Variants in ARHGAP26 observed in about 807,000 individuals in gnomAD.
ARHGAP26 encodes rho GTPase-activating protein 26.
ARHGAP26 carries 38 observed loss-of-function variants against 104.8 expected under a neutral mutation model. That is an observed-to-expected ratio of 0.36 (90% CI 0.28 to 0.48). The LOEUF is 0.48. Among genes scored for constraint, ARHGAP26 ranks in the 20% least tolerant of loss-of-function variants. ARHGAP26 has a pLI of 0.99. For missense variants in ARHGAP26, 704 were observed against 947.9 expected (o/e 0.74, Z 3.38); for synonymous variants, 341 against 340.0 (o/e 1.00, Z -0.03).
intron 1 of ARHGAP26, among the ~76,000 whole-genome samples, chr5:142,857,234 A>G (rs1205382704): frequency 1.3e-5 from 2 of 152,206 alleles, no homozygotes; most frequent in Non-Finnish European, 2.9e-5. Context: ...TTCCAAATAA[A>G]GTCACATTCT....
chr5:143,016,702 C>CAAAA (rs5871833), intron 12 of ARHGAP26, among the ~76,000 whole-genome samples: 21 of 126,308 alleles, frequency 1.7e-4, no homozygotes, highest in Admixed American at 2.4e-4. Context: ...GACTCTGTCT[C>CAAAA]AAAAAAAAAA....
chr5:143,117,307 T>G (rs1348522998), intron 17 of ARHGAP26, among the ~76,000 whole-genome samples: 3 of 152,196 alleles, frequency 2.0e-5, no homozygotes, highest in Non-Finnish European at 4.4e-5. Context: ...CCAGCCTGTT[T>G]CCCATGCATC....
At chr5:142,828,466 A>G (rs1469475140) in intron 1 of ARHGAP26, among the ~76,000 whole-genome samples, 6 of 152,208 alleles carry the variant, frequency 3.9e-5, no homozygotes, top group African/African-American at 1.4e-4. Context: ...CAATTCTAAA[A>G]TGGTTGGGAA....
intron 12 of ARHGAP26, among the ~76,000 whole-genome samples, chr5:143,034,770 A>G (rs949671189): frequency 1.3e-5 from 2 of 152,170 alleles, no homozygotes; most frequent in Non-Finnish European, 2.9e-5. Flanking sequence ...TTTAAAAAAA[A>G]AAAATTCCTC....
intron 1 of ARHGAP26, among the ~76,000 whole-genome samples, chr5:142,822,936 A>G (rs1297725262): frequency 6.6e-6 from 1 of 152,236 alleles, no homozygotes; most frequent in Non-Finnish European, 1.5e-5. Context: ...CTAGGGATCA[A>G]TAACTGTGCT....
At chr5:142,933,245 A>G (rs999119222) in intron 11 of ARHGAP26, among the ~76,000 whole-genome samples, 2 of 152,202 alleles carry the variant, frequency 1.3e-5, no homozygotes, top group African/African-American at 4.8e-5. Flanking sequence ...TCTTTTTGCT[A>G]GCATTATCTA....
chr5:142,888,711 A>G (rs1758061163), intron 5 of ARHGAP26, among the ~76,000 whole-genome samples: 1 of 152,246 alleles, frequency 6.6e-6, no homozygotes, highest in African/African-American at 2.4e-5. Flanking sequence ...AAACAAATGC[A>G]TAGTTTTTGA....
chr5:142,935,006 G>A (rs1765215290), intron 11 of ARHGAP26, among the ~76,000 whole-genome samples: 1 of 151,990 alleles, frequency 6.6e-6, no homozygotes, highest in South Asian at 2.1e-4. Context: ...TGGTGTCGAT[G>A]GACATATAAT....
rs10571226 is a variant in ARHGAP26, at chr5:142,898,175, T to TAC, written c.598-3744_598-3743dup. Among the ~76,000 whole-genome samples the TAC allele has an allele frequency of 2.0e-3, 295 of 149,834 alleles. 1 individual carries two copies. The highest frequency in any genetic ancestry group is 3.4e-3 in the Middle Eastern group (1 of 292). On this transcript the variant is annotated intron_variant, in intron 6 of 22. Coordinates refer to ENST00000645722, the MANE Select transcript of ARHGAP26 (RefSeq NM_001135608.3). ...GTGTATATATATATACACACACACATACACACACACACACACATATATACA... is the reference window on the plus strand; with the variant it reads ...GTGTATATATATATACACACACACATACACACACACACACACACATATATACA...
At chr5:143,131,258 C>CT (rs1186278319) in intron 18 of ARHGAP26, among the ~76,000 whole-genome samples, 1 of 152,156 alleles carries the variant, frequency 6.6e-6, no homozygotes, top group Non-Finnish European at 1.5e-5. Context: ...ACCAGTTACT[C>CT]TTTTTTGTTT....
intron 11 of ARHGAP26, among the ~76,000 whole-genome samples, chr5:142,963,163 GGTATATATGT>G (rs144117286): frequency 0.27 from 30,659 of 112,212 alleles, 4,858 homozygotes; most frequent in East Asian, 0.66. Context: ...AGTATTCCAT[GGTATATATGT>G]ATATATATAT....
At chr5:142,841,734 T>C (rs1418903081) in intron 1 of ARHGAP26, among the ~76,000 whole-genome samples, 1 of 152,236 alleles carries the variant, frequency 6.6e-6, no homozygotes, top group African/African-American at 2.4e-5. Context: ...CGCATCCCTC[T>C]GGCTGGAGCA....
intron 1 of ARHGAP26, among the ~76,000 whole-genome samples, chr5:142,850,780 A>G (rs1229934646): frequency 6.6e-6 from 1 of 152,236 alleles, no homozygotes; most frequent in Non-Finnish European, 1.5e-5. Flanking sequence ...TGTATTATGC[A>G]GAGCCCTGTG....
intron 17 of ARHGAP26, among the ~76,000 whole-genome samples, chr5:143,069,260 C>T (rs978305930): frequency 1.3e-5 from 2 of 152,100 alleles, no homozygotes; most frequent in African/African-American, 2.4e-5. Flanking sequence ...TTCTTCTCCC[C>T]GAAATGTAAG....
chr5:142,950,620 C>A (rs748602517), intron 11 of ARHGAP26, among the ~76,000 whole-genome samples: 8 of 151,940 alleles, frequency 5.3e-5, no homozygotes, highest in Non-Finnish European at 1.0e-4. Flanking sequence ...ACAGCGACAC[C>A]CAATTTGAGT....
intron 9 of ARHGAP26, among the ~76,000 whole-genome samples, chr5:142,912,622 T>C (rs1198502251): frequency 2.6e-5 from 4 of 152,350 alleles, no homozygotes; most frequent in African/African-American, 4.8e-5. Flanking sequence ...TAGGATCCAG[T>C]TGGGCCCAGG....
chr5:143,147,066 TC>T (rs1167590609), intron 19 of ARHGAP26, among the ~76,000 whole-genome samples, 164 bp from the exon 20 acceptor site: 1 of 152,230 alleles, frequency 6.6e-6, no homozygotes. Flanking sequence ...CCTTGACTCT[TC>T]CTTTCCCACT....
At chr5:142,822,622 A>G (rs1350861126) in intron 1 of ARHGAP26, among the ~76,000 whole-genome samples, 2 of 152,276 alleles carry the variant, frequency 1.3e-5, no homozygotes, top group South Asian at 2.1e-4. Context: ...TGTATAATAT[A>G]TATACACATA....
rs70991782 is a variant in ARHGAP26, at chr5:142,867,288, GGTGTGTGTGTGTGT to G, written c.155-6085_155-6072del. On this transcript the variant is annotated intron_variant, in intron 1 of 22. Transcript: ENST00000645722. ...TTGTTTCATTCTAAGATTTGCACAG[GGTGTGTGTGTGTGT>G]GTGTGTGTGTGTGTGTGTGTGTGTG... Among the ~76,000 whole-genome samples the G allele has an allele frequency of 1.4e-3, 197 of 143,698 alleles. 1 individual carries two copies. Among genetic ancestry groups the G allele is most frequent in the African/African-American group, 4.5e-3 (178 of 39,158 alleles). 94.3% of individuals were successfully genotyped at this position (143,698 alleles called of 152,430 possible).
Sources: gnomAD v4.1 joint callset for allele counts (sites outside exome capture counted in the v4.1 genomes callset) on GRCh38, gnomAD v4.1.1 for gene constraint, MANE v1.5 for transcripts, NCBI Gene and HGNC (gene_info 2026-07-23, HGNC 2026-07-21) for gene names.